The following TFPI variants were observed in gnomAD, a reference collection of about 807,000 sequenced individuals.
TFPI encodes tissue factor pathway inhibitor.
TFPI carries 15 observed loss-of-function variants against 34.6 expected under a neutral mutation model. That is an observed-to-expected ratio of 0.43 (90% CI 0.29 to 0.67). TFPI has a LOEUF of 0.67. Ranked by LOEUF, TFPI falls within the 30% of genes least tolerant of loss-of-function variation. TFPI has a pLI of 0.15. For missense variants in TFPI, 301 were observed against 364.0 expected (o/e 0.83, Z 1.41); for synonymous variants, 105 against 120.1 (o/e 0.87, Z 0.82).
At chr2:187,493,209 G>A (rs995686793) in intron 3 of TFPI, among the ~76,000 whole-genome samples, 2 of 152,126 alleles carry the variant, frequency 1.3e-5, no homozygotes, top group African/African-American at 4.8e-5. Flanking sequence ...CTTGACTTCG[G>A]TATACTCTCA....
At chr2:187,547,796 G>A (rs1009851247) in intron 1 of TFPI, 4 of 152,050 alleles carry the variant, frequency 2.6e-5, no homozygotes, top group South Asian at 2.1e-4. Context: ...TTTTTATAAA[G>A]ACAAGTTAGT....
At chr2:187,490,634 T>C (rs1418693654) in intron 3 of TFPI, among the ~76,000 whole-genome samples, 2 of 151,694 alleles carry the variant, frequency 1.3e-5, no homozygotes, top group South Asian at 2.1e-4. Context: ...ATAGACAACA[T>C]GTAGTTAGTT....
At chr2:187,519,391 C>T (rs1228894440) in intron 1 of TFPI, 1 of 152,888 alleles carries the variant, frequency 6.5e-6, no homozygotes, top group Non-Finnish European at 1.5e-5. Context: ...TTCTGAAAGT[C>T]AGGCTCCTCT....
At chr2:187,482,316 C>A (rs1034428673) in intron 6 of TFPI, among the ~76,000 whole-genome samples, 3 of 151,930 alleles carry the variant, frequency 2.0e-5, no homozygotes, top group African/African-American at 7.2e-5. Context: ...TCTTTTACAG[C>A]AGTAAGATTT....
At chr2:187,514,475 T>G (rs368150042) in intron 1 of TFPI, 1 of 152,230 alleles carries the variant, frequency 6.6e-6, no homozygotes, top group East Asian at 1.9e-4. Flanking sequence ...GCCATCCCGC[T>G]TCCGTCTTCC....
chr2:187,479,519 A>T, intron 6 of TFPI, among the ~76,000 whole-genome samples: 1 of 132,764 alleles, frequency 7.5e-6, no homozygotes, highest in East Asian at 2.3e-4. Context: ...CTATTAGTTT[A>T]TGCTTATTTT....
intron 1 of TFPI, among the ~76,000 whole-genome samples, chr2:187,504,344 G>C (rs1686052119): frequency 6.6e-6 from 1 of 152,004 alleles, no homozygotes; most frequent in Non-Finnish European, 1.5e-5. Flanking sequence ...TGAGATAGCA[G>C]ACAGCCAAAA....
intron 6 of TFPI, among the ~76,000 whole-genome samples, chr2:187,475,431 A>T (rs8176623): frequency 3.3e-4 from 51 of 152,344 alleles, no homozygotes; most frequent in Non-Finnish European, 5.1e-4. Context: ...AATGATCAAT[A>T]ACAAAATGTA....
At chr2:187,537,369 C>T (rs919911200) in intron 1 of TFPI, among the ~76,000 whole-genome samples, 10 of 152,148 alleles carry the variant, frequency 6.6e-5, no homozygotes, top group South Asian at 4.2e-4. Context: ...CAAAACAGCA[C>T]GGTACTGGTA....
intron 6 of TFPI, among the ~76,000 whole-genome samples, chr2:187,482,140 T>A (rs2106002118): frequency 6.6e-6 from 1 of 152,154 alleles, no homozygotes; most frequent in South Asian, 2.1e-4. Context: ...TAACCTACTC[T>A]ACTCACTTTA....
intron 6 of TFPI, among the ~76,000 whole-genome samples, chr2:187,481,341 A>G (rs887786902): frequency 2.0e-5 from 3 of 152,132 alleles, no homozygotes; most frequent in Admixed American, 2.0e-4. Flanking sequence ...AATAGAATGT[A>G]TTAATATAAT....
At chr2:187,474,666 C>T (rs1325974559) in intron 6 of TFPI, among the ~76,000 whole-genome samples, 2 of 152,006 alleles carry the variant, frequency 1.3e-5, no homozygotes, top group African/African-American at 4.8e-5. Flanking sequence ...AAATTAAGCA[C>T]CAGATTGAAT....
intron 6 of TFPI, among the ~76,000 whole-genome samples, chr2:187,480,024 C>G (rs552847223): frequency 6.6e-6 from 1 of 151,982 alleles, no homozygotes; most frequent in African/African-American, 2.4e-5. Flanking sequence ...GACCTTGAAG[C>G]CCCATGATAC....
At chr2:187,526,844 T>C (rs965755789) in intron 1 of TFPI, 1 of 152,094 alleles carries the variant, frequency 6.6e-6, no homozygotes, top group African/African-American at 2.4e-5. Context: ...GGTGTACCAG[T>C]GGAAGACAGG....
chr2:187,533,616 G>A (rs539452414), intron 1 of TFPI, among the ~76,000 whole-genome samples: 1 of 152,300 alleles, frequency 6.6e-6, no homozygotes, highest in East Asian at 1.9e-4. Flanking sequence ...GGAAAAACCA[G>A]CACAAAAAGG....
chr2:187,501,581 T>C (rs1022384089), intron 2 of TFPI, among the ~76,000 whole-genome samples: 1 of 152,128 alleles, frequency 6.6e-6, no homozygotes, highest in African/African-American at 2.4e-5. Context: ...CCACTTTTTA[T>C]ATAAAAATCA....
At chr2:187,499,577 T>C (rs774949841) in intron 2 of TFPI, 1 of 152,086 alleles carries the variant, frequency 6.6e-6, no homozygotes, top group Non-Finnish European at 1.5e-5. Context: ...AGACCCTAAG[T>C]GGTGTGTCTG....
chr2:187,547,776 T>C (rs1328722381), intron 1 of TFPI: 1 of 152,160 alleles, frequency 6.6e-6, no homozygotes, highest in African/African-American at 2.4e-5. Flanking sequence ...TTAATGCTCA[T>C]TATTGTACAT....
intron 4 of TFPI, among the ~76,000 whole-genome samples, chr2:187,485,932 A>G (rs1485603706): frequency 2.0e-5 from 3 of 151,668 alleles, no homozygotes; most frequent in African/African-American, 4.8e-5. Context: ...TTGTTCTTCT[A>G]TGTCAGGGAA....
Sources: gnomAD v4.1 joint callset for allele counts (sites outside exome capture counted in the v4.1 genomes callset) on GRCh38, gnomAD v4.1.1 for gene constraint, MANE v1.5 for transcripts, NCBI Gene and HGNC (gene_info 2026-07-23, HGNC 2026-07-21) for gene names.